The following EIF4E1B variants were observed in gnomAD, a reference collection of about 807,000 sequenced individuals.
EIF4E1B encodes the protein eukaryotic translation initiation factor 4E family member 1B, also known as eukaryotic translation initiation factor 4E type 1B.
A neutral mutation model predicts 31.3 loss-of-function variants in EIF4E1B; 22 were observed. The observed-to-expected ratio is 0.70, with a 90% CI of 0.50 to 1.00. The LOEUF (loss-of-function observed/expected upper bound fraction) is 1.00, where lower values mean the gene tolerates loss of function less well. Among genes scored for constraint, EIF4E1B ranks in the 50% least tolerant of loss-of-function variants. EIF4E1B has a pLI of 0.00. For synonymous variants in EIF4E1B, 126 were observed against 120.2 expected (o/e 1.05, Z -0.31); for missense variants, 290 against 311.6 (o/e 0.93, Z 0.52).
Position 176,645,364 on chromosome 5 carries a change from A to G in EIF4E1B, c.475-13A>G, listed in dbSNP as rs780187530. The stretch of plus-strand genomic sequence containing the variant: ...CCAGCCGGTGATCTCACAACCCCCT[A>G]CTTCGGGTCCAGCTGCTGTGTCTGA... On this transcript the variant is annotated splice_polypyrimidine_tract_variant and intron_variant, in intron 7 of 8. Transcript: ENST00000318682. The surrounding 1 kb of genome is among the most constrained non-coding windows in gnomAD (Gnocchi z 5.4). 2.7e-5 allele frequency: 42 copies of G among 1,536,772 alleles called. No individual in the cohort carries two copies. Among genetic ancestry groups the G allele is most frequent in the Non-Finnish European group, 3.5e-5 (40 of 1,138,806 alleles).
Position 176,645,105 on chromosome 5 carries a change from A to G in EIF4E1B, c.361-25A>G, listed in dbSNP as rs1343201456. 1.4e-5 allele frequency: 22 copies of G among 1,545,102 alleles called. No individual in the cohort carries two copies. In the South Asian group the frequency reaches 1.9e-4, roughly 13 times the overall value. On this transcript the variant is annotated intron_variant, in intron 6 of 8. Transcript: ENST00000318682. This position sits in a 1 kb window ranked among gnomAD's most constrained non-coding sequence, Gnocchi z 5.4. ...CATTTCCCTTTGAACACAGGGAGGC[A>G]GTTGACTTGCCATCTGCCTTGCAGG...
chr5:176,641,160 TAAAAC>T (rs910569175), intron 1 of EIF4E1B, among the ~76,000 whole-genome samples: 1 of 151,724 alleles, frequency 6.6e-6, no homozygotes, highest in Non-Finnish European at 1.5e-5. Context: ...CTCTACAAAA[TAAAAC>T]AAAACAAAAC....
Position 176,643,215 on chromosome 5 carries a change from G to T in EIF4E1B, c.149G>T (p.Arg50Leu). ...TTGCTGTCTCTGAGAGGGAAGGCCC[G>T]GACGGGGGGCCCCATGGAAGTCAAG... ...RTLLSLRGKA[R>L]TGGPMEVKLE... Residue 50 changes from arginine to leucine, a missense_variant, in exon 4 of 9, where the codon CGG (arginine) becomes CTG (leucine). Arg to Leu is a moderately radical substitution (Grantham distance 102). Transcript: ENST00000318682. 1 of 1,613,182 alleles carries T rather than the reference G, an allele frequency of 6.2e-7. No individual in the cohort carries two copies. Among genetic ancestry groups the T allele is most frequent in the Non-Finnish European group, 8.5e-7 (1 of 1,179,856 alleles).
Position 176,642,852 on chromosome 5 carries a change from C to CT in EIF4E1B, c.15+50_15+51insT, listed in dbSNP as rs772555913. The stretch of plus-strand genomic sequence containing the variant: ...CCAGTGCACCATGGCCCCGCCCTCT[C>CT]CCCCCCCCCCCCCGCCCCAGGTGGG... On this transcript the variant is annotated intron_variant, in intron 3 of 8. Transcript: ENST00000318682. 90 of 949,220 alleles carry CT rather than the reference C, an allele frequency of 9.5e-5. 1 individual carries two copies. In the Middle Eastern group the frequency reaches 1.2e-3, roughly 13 times the overall value. The allele number at this position is 949,220 out of a possible 1,614,324, so 58.8% of individuals were successfully genotyped here.
rs369631741 is a variant in EIF4E1B, at chr5:176,645,868, G to T, written c.617G>T (p.Arg206Leu). 25 of 1,587,544 alleles carry T rather than the reference G, an allele frequency of 1.6e-5. No homozygotes were observed. In the African/African-American group the frequency reaches 3.2e-4, roughly 21 times the overall value. ...CTCTGTGTCCCCCGCACCTGCAGGC[G>T]TGTATACAAAGAGCGCCTGGGCCTC... The part of the protein sequence containing the change: ...ENQAGVLHVG[R>L]VYKERLGLSP... Residue 206 changes from arginine to leucine, a missense_variant and splice_region_variant, in exon 9 of 9, where the codon CGT (arginine) becomes CTT (leucine). Coordinates refer to ENST00000318682, the MANE Select transcript of EIF4E1B (RefSeq NM_001099408.2). The surrounding 1 kb of genome is among the most constrained non-coding windows in gnomAD (Gnocchi z 5.4).
At chr5:176,635,085 C>CG (rs1760472731) in intron 1 of EIF4E1B, among the ~76,000 whole-genome samples, 1 of 151,970 alleles carries the variant, frequency 6.6e-6, no homozygotes, top group South Asian at 2.1e-4. Context: ...TGTGATCGTC[C>CG]GGGGGTGCAC....
rs1014303114 is a variant in EIF4E1B at position 176,646,324 on chromosome 5, G to T, written c.*344G>T. 18 of 234,360 alleles carry T rather than the reference G, an allele frequency of 7.7e-5. No individual in the cohort carries two copies. In the Admixed American group the frequency reaches 8.2e-4, roughly 11 times the overall value. 14.5% of individuals were successfully genotyped at this position (234,360 alleles called of 1,614,324 possible). On this transcript the variant is annotated 3_prime_UTR_variant, in exon 9 of 9. Coordinates refer to ENST00000318682, the MANE Select transcript of EIF4E1B (RefSeq NM_001099408.2). ...CTGTTTCCACCCAGGAAGGAGGTGA[G>T]GTGGCCTGAGAGACAGACTCTTCCA...
intron 5 of EIF4E1B, 177 bp downstream of exon 5, chr5:176,643,911 G>A (rs1760644032): frequency 9.3e-6 from 6 of 647,666 alleles, no homozygotes; most frequent in Non-Finnish European, 1.3e-5. Flanking sequence ...CCTTCTTTGG[G>A]CTCAGGGAGA....
rs1554151090 is a variant in EIF4E1B, at chr5:176,642,865, C to CGCCG, written c.15+66_15+67insGGCC. 2.2e-4 allele frequency: 257 copies of CGCCG among 1,172,974 alleles called. 8 individuals carry two copies. The highest frequency in any genetic ancestry group is 3.7e-4 in the East Asian group (8 of 21,340). 72.7% of individuals were successfully genotyped at this position (1,172,974 alleles called of 1,614,324 possible). A position where few individuals can be genotyped will look rare whatever the true frequency, so the allele number is the denominator to read the frequency against. ...GCCCCGCCCTCTCCCCCCCCCCCCC[C>CGCCG]GCCCCAGGTGGGCGGGGCAGGTGCT... On this transcript the variant is annotated intron_variant, in intron 3 of 8. Coordinates refer to ENST00000318682, the MANE Select transcript of EIF4E1B (RefSeq NM_001099408.2).
At chr5:176,637,503 G>C (rs1760513872) in intron 1 of EIF4E1B, among the ~76,000 whole-genome samples, 1 of 152,152 alleles carries the variant, frequency 6.6e-6, no homozygotes, top group African/African-American at 2.4e-5. Flanking sequence ...TCAGTAAAAT[G>C]TATGGTGCGT....
chr5:176,643,583 C>A (rs545437320), intron 4 of EIF4E1B, 56 bp from the exon 5 acceptor site: 2 of 1,525,632 alleles, frequency 1.3e-6, no homozygotes, highest in Non-Finnish European at 1.8e-6. Flanking sequence ...CCAGGTGCCC[C>A]GGGGGTGGAC....
intron 1 of EIF4E1B, among the ~76,000 whole-genome samples, chr5:176,639,706 C>T (rs1039185121): frequency 6.6e-5 from 10 of 152,130 alleles, no homozygotes; most frequent in African/African-American, 2.4e-4. Context: ...CACTTGAACC[C>T]TCCCAGGCTG....
At chr5:176,642,447 T>G (rs1054274942) in intron 2 of EIF4E1B, among the ~76,000 whole-genome samples, 2 of 152,224 alleles carry the variant, frequency 1.3e-5, no homozygotes. Flanking sequence ...CTGGGCAACA[T>G]AGTGAGATTC....
Position 176,643,411 on chromosome 5 carries a change from G to A in EIF4E1B, c.200+145G>A, listed in dbSNP as rs972111239. Reference sequence around the variant, plus strand: ...AGGGCTGACCTAAGCCTTGGGCCCTGTTGGCCCTTCCAGCCCTAACCCCGC... The same window carrying A: ...AGGGCTGACCTAAGCCTTGGGCCCTATTGGCCCTTCCAGCCCTAACCCCGC... On this transcript the variant is annotated intron_variant, in intron 4 of 8. Transcript: ENST00000318682. 123 of 1,135,426 alleles carry A rather than the reference G, an allele frequency of 1.1e-4. 1 individual carries two copies. Among genetic ancestry groups the A allele is most frequent in the Middle Eastern group, 9.1e-4 (3 of 3,310 alleles). 70.3% of individuals were successfully genotyped at this position (1,135,426 alleles called of 1,614,324 possible). A position where few individuals can be genotyped will look rare whatever the true frequency, so the allele number is the denominator to read the frequency against.
In EIF4E1B at chr5:176,644,671, T is replaced by C. The variant is rs549372961; in HGVS notation, c.360+232T>C. The C allele has an allele frequency of 5.6e-6, 3 of 538,716 alleles. No homozygotes were observed. The East Asian group carries it at 9.4e-5, about 17-fold the overall frequency. 33.4% of individuals were successfully genotyped at this position (538,716 alleles called of 1,614,324 possible). ...AGGCGGGAAGAGGGAGAGGGAGAGA[T>C]TTCTGACCTGGCTCCTTAACTAGGG... On this transcript the variant is annotated intron_variant, in intron 6 of 8. Coordinates refer to ENST00000318682, the MANE Select transcript of EIF4E1B (RefSeq NM_001099408.2).
rs951174160 is a variant in EIF4E1B at position 176,642,687 on chromosome 5, C to T, written c.-78-23C>T. ...CCTTGCTTTCCCTTCGAGCAGGCTC[C>T]AAATATTGACGCTTACCTTCAGGTC... On this transcript the variant is annotated intron_variant, in intron 2 of 8. Coordinates refer to ENST00000318682, the MANE Select transcript of EIF4E1B (RefSeq NM_001099408.2). 2.6e-6 allele frequency: 4 copies of T among 1,523,464 alleles called. No homozygotes were observed. In the African/African-American group the frequency reaches 5.5e-5, roughly 21 times the overall value. 94.4% of individuals were successfully genotyped at this position (1,523,464 alleles called of 1,614,324 possible).
intron 1 of EIF4E1B, among the ~76,000 whole-genome samples, chr5:176,637,393 C>T (rs1385489962): frequency 1.3e-5 from 2 of 152,216 alleles, no homozygotes; most frequent in East Asian, 3.9e-4. Flanking sequence ...GGGCTGAGAT[C>T]GTGCCACTGT....
chr5:176,640,411 T>G (rs937338050), intron 1 of EIF4E1B, among the ~76,000 whole-genome samples: 9 of 152,230 alleles, frequency 5.9e-5, no homozygotes, highest in African/African-American at 1.9e-4. Flanking sequence ...AAATGATGAT[T>G]ATTGTTTTAA....
Position 176,645,512 on chromosome 5 carries a change from G to A in EIF4E1B, c.610G>A (p.Val204Ile), listed in dbSNP as rs116717121. The change falls in exon 8 of 9, where the codon GTT becomes ATT. Residue 204 changes from valine to isoleucine, a missense_variant. By Grantham distance (29) the Val-to-Ile change is conservative. Coordinates refer to ENST00000318682, the MANE Select transcript of EIF4E1B (RefSeq NM_001099408.2). This position sits in a 1 kb window ranked among gnomAD's most constrained non-coding sequence, Gnocchi z 5.4. ...GGAAAACCAGGCGGGCGTGCTGCAC[G>A]TTGGGTGAGGAGGGTCTCTGGCACA... ...EAENQAGVLHVGRVYKERLGL... is the reference protein window; with the variant it reads ...EAENQAGVLHIGRVYKERLGL... 9.4e-5 allele frequency: 142 copies of A among 1,514,588 alleles called. No homozygotes were observed. The African/African-American group carries it at 1.4e-3, about 15-fold the overall frequency. 93.8% of individuals were successfully genotyped at this position (1,514,588 alleles called of 1,614,324 possible). A position where few individuals can be genotyped will look rare whatever the true frequency, so the allele number is the denominator to read the frequency against.
Sources: allele counts gnomAD v4.1 joint callset (sites outside exome capture counted in the v4.1 genomes callset), GRCh38; gene constraint gnomAD v4.1.1; non-coding constraint Gnocchi (gnomAD v3.1); transcripts MANE v1.5; gene names NCBI Gene and HGNC (gene_info 2026-07-23, HGNC 2026-07-21).